The following LINGO2 variants were observed in gnomAD, a reference collection of about 807,000 sequenced individuals.
LINGO2 encodes leucine rich repeat and Ig domain containing 2.
Under a neutral mutation model 30.6 loss-of-function variants are expected in LINGO2, and 14 were observed. The observed-to-expected ratio is 0.46, with a 90% CI of 0.30 to 0.72. LINGO2 has a LOEUF of 0.72. Ranked by LOEUF, LINGO2 falls within the 30% of genes least tolerant of loss-of-function variation. The pLI is 0.07. For missense variants in LINGO2, 729 were observed against 751.7 expected (o/e 0.97, Z 0.35); for synonymous variants, 317 against 288.5 (o/e 1.10, Z -1.00).
chr9:28,768,684 C>T, the LINGO2 span, among the ~76,000 whole-genome samples: 1 of 150,908 alleles, frequency 6.6e-6, no homozygotes, highest in South Asian at 2.1e-4. Flanking sequence ...TCTGCATATA[C>T]ATGTATACAC....
chr9:27,990,591 A>T (rs1460392182), intron 5 of LINGO2, among the ~76,000 whole-genome samples: 1 of 151,920 alleles, frequency 6.6e-6, no homozygotes, highest in Non-Finnish European at 1.5e-5. Flanking sequence ...AAGAAAAACT[A>T]TGTATTATAT....
intron 1 of LINGO2, among the ~76,000 whole-genome samples, chr9:28,495,072 T>TG (rs1348006552): frequency 1.7e-4 from 26 of 152,204 alleles, no homozygotes; most frequent in Non-Finnish European, 3.7e-4. Flanking sequence ...GTTGTTTGTT[T>TG]TTTCTTGTAA....
At chr9:29,039,320 T>G in the LINGO2 span, among the ~76,000 whole-genome samples, 1 of 152,178 alleles carries the variant, frequency 6.6e-6, no homozygotes, top group Non-Finnish European at 1.5e-5. Flanking sequence ...TTTGTATATA[T>G]GCATAAGTCT....
intron 2 of LINGO2, among the ~76,000 whole-genome samples, chr9:28,385,549 G>A (rs1003570456): frequency 6.6e-6 from 1 of 152,064 alleles, no homozygotes; most frequent in Non-Finnish European, 1.5e-5. Context: ...AATAAAATTA[G>A]GCTTTGTGGC....
intron 4 of LINGO2, among the ~76,000 whole-genome samples, chr9:28,195,813 C>G (rs1457324717): frequency 6.6e-6 from 1 of 151,358 alleles, no homozygotes; most frequent in African/African-American, 2.4e-5. Context: ...GTTTAAATGT[C>G]TTCACAGCAT....
chr9:28,859,626 A>C, the LINGO2 span, among the ~76,000 whole-genome samples: 287 of 152,132 alleles, frequency 1.9e-3, 1 homozygote, highest in African/African-American at 6.5e-3. Flanking sequence ...TTTTGCCATG[A>C]ATATCATAGA....
chr9:28,298,843 A>G (rs751003358), intron 3 of LINGO2, among the ~76,000 whole-genome samples: 2 of 152,232 alleles, frequency 1.3e-5, no homozygotes, highest in African/African-American at 2.4e-5. Context: ...ACTGTTGTAC[A>G]TTAATTTAAA....
the LINGO2 span, among the ~76,000 whole-genome samples, chr9:28,775,409 T>C: frequency 0.011 from 1,611 of 152,320 alleles, 22 homozygotes; most frequent in African/African-American, 0.036. Context: ...TATCTGTGCA[T>C]AGGTACTGAA....
intron 4 of LINGO2, among the ~76,000 whole-genome samples, chr9:28,029,921 G>T (rs1391478159): frequency 6.6e-6 from 1 of 152,130 alleles, no homozygotes; most frequent in Non-Finnish European, 1.5e-5. Context: ...AGTCCCTAGA[G>T]AAATAGGAAG....
chr9:28,240,146 A>G (rs373392140), intron 4 of LINGO2, among the ~76,000 whole-genome samples: 2 of 152,196 alleles, frequency 1.3e-5, no homozygotes, highest in African/African-American at 4.8e-5. Flanking sequence ...CCAAAGTGGA[A>G]AGATATTCCA....
intron 4 of LINGO2, among the ~76,000 whole-genome samples, chr9:28,034,447 G>T (rs1010591551): frequency 2.8e-4 from 43 of 152,284 alleles, no homozygotes; most frequent in Non-Finnish European, 1.6e-4. Context: ...TTAGTTGGAG[G>T]TTTCGCACAT....
chr9:28,835,855 C>G, the LINGO2 span, among the ~76,000 whole-genome samples: 4 of 152,128 alleles, frequency 2.6e-5, no homozygotes, highest in African/African-American at 9.7e-5. Flanking sequence ...CTACAGTCCC[C>G]ATTTTCTTTC....
the LINGO2 span, among the ~76,000 whole-genome samples, chr9:29,149,305 A>G: frequency 1.3e-5 from 2 of 152,142 alleles, no homozygotes; most frequent in Non-Finnish European, 2.9e-5. Context: ...CCTGGGCAAC[A>G]CTGCCAAACT....
chr9:28,861,289 ATT>A, the LINGO2 span, among the ~76,000 whole-genome samples: 1 of 125,090 alleles, frequency 8.0e-6, no homozygotes, highest in Admixed American at 1.0e-4. Context: ...TATATTATAT[ATT>A]TTATATATTA....
chr9:28,011,531 G>T (rs2119251452), intron 5 of LINGO2, among the ~76,000 whole-genome samples: 1 of 152,216 alleles, frequency 6.6e-6, no homozygotes, highest in African/African-American at 2.4e-5. Context: ...CCCAAATCTG[G>T]ACTTCAGTTT....
chr9:29,148,216 T>G, the LINGO2 span, among the ~76,000 whole-genome samples: 1 of 152,118 alleles, frequency 6.6e-6, no homozygotes, highest in Non-Finnish European at 1.5e-5. Context: ...TTTTTAAAAA[T>G]AATTAATAAC....
the LINGO2 span, among the ~76,000 whole-genome samples, chr9:29,112,228 C>CTTGA: frequency 0.029 from 4,377 of 151,988 alleles, 197 homozygotes; most frequent in African/African-American, 0.099. Flanking sequence ...AATTAAGAAG[C>CTTGA]TTGAGCATGC....
At chr9:28,540,719 T>A (rs950240308) in intron 1 of LINGO2, among the ~76,000 whole-genome samples, 7 of 152,230 alleles carry the variant, frequency 4.6e-5, no homozygotes, top group Non-Finnish European at 1.0e-4. Context: ...GGCGTGATCA[T>A]CACTCCACCA....
chr9:28,063,617 G>C (rs1375990133), intron 4 of LINGO2, among the ~76,000 whole-genome samples: 1 of 151,980 alleles, frequency 6.6e-6, no homozygotes, highest in East Asian at 1.9e-4. Context: ...ACTCATACAT[G>C]GAAGAAGTAA....
Sources: gnomAD v4.1 joint callset for allele counts (sites outside exome capture counted in the v4.1 genomes callset) on GRCh38, gnomAD v4.1.1 for gene constraint, MANE v1.5 for transcripts, NCBI Gene and HGNC (gene_info 2026-07-23, HGNC 2026-07-21) for gene names.